ITGAX: variants seen among roughly 807,000 people sequenced by gnomAD.
ITGAX encodes integrin alpha-X.
ITGAX carries 99 observed loss-of-function variants against 140.2 expected under a neutral mutation model. That is an observed-to-expected ratio of 0.71 (90% CI 0.60 to 0.83). The LOEUF (loss-of-function observed/expected upper bound fraction) is 0.83. Among genes scored for constraint, ITGAX ranks in the 40% least tolerant of loss-of-function variants. The probability of loss-of-function intolerance (pLI) is 0.00; values close to 1 mark genes in which losing one functional copy is unlikely to be tolerated. For missense variants in ITGAX, 1,444 were observed against 1,482.0 expected, an observed-to-expected ratio of 0.97 and a Z score of 0.42; for synonymous variants, 631 against 600.4, an observed-to-expected ratio of 1.05 and a Z score of -0.75.
At position 31,360,375 on chromosome 16, in the gene ITGAX, C is replaced by A; in HGVS notation, c.773C>A (p.Thr258Asn). Residue 258 changes from threonine to asparagine, a missense_variant, in exon 8 of 30, where the codon ACT (threonine) becomes AAT (asparagine). Physicochemically the swap from Thr to Asn is moderately conservative, Grantham distance 65 (BLOSUM62 0). Transcript: ENST00000268296. ...GCCGCCAAAATTCTCATTGTCATCACTGATGGGAAGAAAGAAGGCGACAGC... is the reference window on the plus strand; with the variant it reads ...GCCGCCAAAATTCTCATTGTCATCAATGATGGGAAGAAAGAAGGCGACAGC... Reference protein sequence around the residue: ...RDAAKILIVITDGKKEGDSLD... With the variant: ...RDAAKILIVINDGKKEGDSLD... The A allele has an allele frequency of 6.2e-7, 1 of 1,614,034 alleles. No individual in the cohort carries two copies. The highest frequency in any genetic ancestry group is 8.5e-7 in the Non-Finnish European group (1 of 1,179,950).
intron 20 of ITGAX, among the ~76,000 whole-genome samples, chr16:31,375,320 A>G (rs376901733): frequency 1.3e-5 from 2 of 152,260 alleles, no homozygotes; most frequent in African/African-American, 4.8e-5. Context: ...CTAGCCCAGG[A>G]GTGGGTTTCT....
chr16:31,372,281 G>A (rs750334704), intron 17 of ITGAX, 97 bp from the exon 18 acceptor site: 444 of 1,446,136 alleles, frequency 3.1e-4, no homozygotes, highest in Non-Finnish European at 3.9e-4. Context: ...GAAGCCGCGC[G>A]GGAGCTGGGC....
Position 31,373,461 on chromosome 16 carries a change from C to T in ITGAX, c.2508+71C>T, listed in dbSNP as rs190809213. ...GTAGATTCCCGTGCGGTTCAGAACC[C>T]GGGCTGGGCTTGGAGGTGGTAGTGC... On this transcript the variant is annotated intron_variant, in intron 20 of 29. Transcript: ENST00000268296. 1.3e-4 allele frequency: 188 copies of T among 1,481,404 alleles called. 1 individual carries two copies. The African/African-American group carries it at 1.8e-3, about 14-fold the overall frequency. 91.8% of individuals were successfully genotyped at this position (1,481,404 alleles called of 1,614,324 possible). A position where few individuals can be genotyped will look rare whatever the true frequency, so the allele number is the denominator to read the frequency against.
rs780112641 is a variant in ITGAX, at chr16:31,371,195, G to A, written c.1822G>A (p.Gly608Ser). ...GLVDLAVGAR[G>S]QVLLLRTRPV... The stretch of plus-strand genomic sequence containing the variant: ...GGTGGACCTGGCTGTGGGGGCCCGG[G>A]GCCAGGTGCTCCTGCTCAGGTGAGA... Residue 608 changes from glycine (G) to serine (S), a missense_variant, in exon 15 of 30, where the codon GGC becomes AGC. Physicochemically the swap from Gly to Ser is moderately conservative, Grantham distance 56. Coordinates refer to ENST00000268296, the MANE Select transcript of ITGAX (RefSeq NM_000887.5). 27 of 1,610,162 alleles carry A rather than the reference G, an allele frequency of 1.7e-5. No individual in the cohort carries two copies. In the South Asian group the frequency reaches 2.0e-4, roughly 12 times the overall value.
intron 8 of ITGAX, chr16:31,360,718 G>A (rs1047328893): frequency 1.9e-6 from 1 of 525,278 alleles, no homozygotes; most frequent in Non-Finnish European, 3.3e-6. Context: ...GTCTTGCTAT[G>A]TTGCCCAGGC....
chr16:31,375,313 G>A (rs1477297139), intron 20 of ITGAX, among the ~76,000 whole-genome samples: 1 of 152,126 alleles, frequency 6.6e-6, no homozygotes, highest in Non-Finnish European at 1.5e-5. Context: ...ACGGAGCCTA[G>A]CCCAGGAGTG....
intron 3 of ITGAX, 84 bp downstream of exon 3, chr16:31,356,812 C>A: frequency 9.6e-7 from 1 of 1,046,332 alleles, no homozygotes; most frequent in South Asian, 1.4e-5. Flanking sequence ...CGGAGTGTCA[C>A]TTTCAGCTTC....
Position 31,371,221 on chromosome 16 carries a change from G to T in ITGAX, c.1841+7G>T. 3 of 1,605,220 alleles carry T rather than the reference G, an allele frequency of 1.9e-6. No homozygotes were observed. Among genetic ancestry groups the T allele is most frequent in the Non-Finnish European group, 2.6e-6 (3 of 1,175,254 alleles). ...GCCAGGTGCTCCTGCTCAGGTGAGA[G>T]CAGCCTTTCTCAGAGGCTCCCCAGG... On this transcript the variant is annotated splice_region_variant and intron_variant, in intron 15 of 29. Coordinates refer to ENST00000268296, the MANE Select transcript of ITGAX (RefSeq NM_000887.5).
intron 8 of ITGAX, 197 bp from the exon 9 acceptor site, chr16:31,360,866 G>A (rs1349802830): frequency 1.7e-6 from 1 of 578,500 alleles, no homozygotes; most frequent in Non-Finnish European, 3.0e-6. Flanking sequence ...CTGCCTTAAG[G>A]ATGAAAACTC....
rs967685799 is a variant in ITGAX, at chr16:31,373,094, TAA to T, written c.2367-147_2367-146del. On this transcript the variant is annotated intron_variant, in intron 19 of 29. Transcript: ENST00000268296. ...GGTGAAAGAGCAGGACTCTGTCTCTTAAAAAAAAAGAAGAAGAAGAAGAAGAA... is the reference window on the plus strand; with the variant it reads ...GGTGAAAGAGCAGGACTCTGTCTCTTAAAAAAAGAAGAAGAAGAAGAAGAA... Among the ~76,000 whole-genome samples, 5 of 114,386 alleles carry T rather than the reference TAA, an allele frequency of 4.4e-5. No homozygotes were observed. In the East Asian group the frequency reaches 1.2e-3, roughly 27 times the overall value. The allele number at this position is 114,386 out of a possible 152,430, so 75.0% of individuals were successfully genotyped here. A position where few individuals can be genotyped will look rare whatever the true frequency, so the allele number is the denominator to read the frequency against.
chr16:31,371,298 C>G (rs777488641), intron 15 of ITGAX, 36 bp from the exon 16 acceptor site: 1 of 1,610,628 alleles, frequency 6.2e-7, no homozygotes, highest in South Asian at 1.1e-5. Flanking sequence ...TCCCAGGAGC[C>G]GACGGCCTGT....
intron 8 of ITGAX, chr16:31,360,828 A>G (rs2080816311): frequency 5.6e-6 from 3 of 539,726 alleles, no homozygotes; most frequent in Non-Finnish European, 9.7e-6. Flanking sequence ...CCTTTCAAGG[A>G]TAGAAACACC....
At chr16:31,376,715 A>G (rs2081022214) in intron 20 of ITGAX, 84 bp from the exon 21 acceptor site, 1 of 1,239,286 alleles carries the variant, frequency 8.1e-7, no homozygotes, top group Admixed American at 1.7e-5. Flanking sequence ...GAATGCTGTT[A>G]TATTAGGTTG....
Position 31,371,367 on chromosome 16 carries a change from G to T in ITGAX, c.1875G>T (p.Met625Ile). ...CTGTGCTCTGGGTGGGGGTGAGCAT[G>T]CAGTTCATACCTGCCGAGATCCCCA... The part of the protein sequence containing the change: ...TRPVLWVGVS[M>I]QFIPAEIPRS... Residue 625 changes from methionine (M) to isoleucine (I), a missense_variant, in exon 16 of 30, where the codon ATG (methionine) becomes ATT (isoleucine). Coordinates refer to ENST00000268296, the MANE Select transcript of ITGAX (RefSeq NM_000887.5). 6.2e-7 allele frequency: 1 copy of T among 1,614,200 alleles called. No individual in the cohort carries two copies. Among genetic ancestry groups the T allele is most frequent in the Non-Finnish European group, 8.5e-7 (1 of 1,180,044 alleles).
intron 17 of ITGAX, among the ~76,000 whole-genome samples, chr16:31,372,169 G>GGA (rs996952070): frequency 1.0e-4 from 15 of 150,704 alleles, no homozygotes; most frequent in Non-Finnish European, 2.1e-4. Context: ...GAGGTCTGGG[G>GGA]GGGGGGAGGA....
At chr16:31,381,717 A>G (rs2081070136) in intron 29 of ITGAX, 86 bp from the exon 30 acceptor site, 4 of 800,386 alleles carry the variant, frequency 5.0e-6, no homozygotes, top group Non-Finnish European at 6.6e-6. Context: ...GGATTTCAGA[A>G]ATAGTGACCC....
intron 2 of ITGAX, chr16:31,356,388 C>T (rs1160929637): frequency 2.2e-5 from 11 of 489,530 alleles, no homozygotes; most frequent in Non-Finnish European, 4.1e-5. Context: ...CCTCAGCCTC[C>T]CAAAGTGCTG....
Position 31,355,433 on chromosome 16 carries a change from G to C in ITGAX, c.37+142G>C. On this transcript the variant is annotated intron_variant, in intron 1 of 29. Coordinates refer to ENST00000268296, the MANE Select transcript of ITGAX (RefSeq NM_000887.5). ...AGCCTGAGGGGGAGGCAGGCACATA[G>C]GGTCTGAGATTTGGAGTTTGTGGAG... 4 of 863,450 alleles carry C rather than the reference G, an allele frequency of 4.6e-6. No individual in the cohort carries two copies. The South Asian group carries it at 6.4e-5, about 14-fold the overall frequency. The allele number at this position is 863,450 out of a possible 1,614,324, so 53.5% of individuals were successfully genotyped here. A position where few individuals can be genotyped will look rare whatever the true frequency, so the allele number is the denominator to read the frequency against.
rs2080800161 is a variant in ITGAX, at chr16:31,359,691, C to T, written c.431-9C>T. On this transcript the variant is annotated splice_polypyrimidine_tract_variant and intron_variant, in intron 5 of 29. Coordinates refer to ENST00000268296, the MANE Select transcript of ITGAX (RefSeq NM_000887.5). ...TCACTTGGAGGACCGGTGCCACCTCCTTCCCCAGAGTGCCCAAGACAGGAG... is the reference window on the plus strand; with the variant it reads ...TCACTTGGAGGACCGGTGCCACCTCTTTCCCCAGAGTGCCCAAGACAGGAG... The T allele has an allele frequency of 6.2e-7, 1 of 1,613,734 alleles. No homozygotes were observed. The highest frequency in any genetic ancestry group is 1.7e-5 in the Admixed American group (1 of 60,000).
Sources: gnomAD v4.1 joint callset for allele counts (sites outside exome capture counted in the v4.1 genomes callset) on GRCh38, gnomAD v4.1.1 for gene constraint, MANE v1.5 for transcripts, NCBI Gene and HGNC (gene_info 2026-07-23, HGNC 2026-07-21) for gene names.